TNR: variants seen among roughly 807,000 people sequenced by gnomAD.
TNR encodes tenascin-R.
In TNR, 45 loss-of-function variants were observed where a neutral mutation model predicts 150.4. That is an observed-to-expected ratio of 0.30 (90% confidence interval 0.24 to 0.38). The LOEUF is 0.38. TNR is among the 10% of genes least tolerant of loss of function. The probability of loss-of-function intolerance (pLI) is 1.00; values close to 1 mark genes in which losing one functional copy is unlikely to be tolerated. For missense variants in TNR, 1,544 were observed against 1,759.1 expected (o/e 0.88, Z 2.19); for synonymous variants, 687 against 678.4 (o/e 1.01, Z -0.20).
chr1:175,491,860 A>T (rs1243605691), intron 2 of TNR, among the ~76,000 whole-genome samples: 2 of 152,042 alleles, frequency 1.3e-5, no homozygotes, highest in African/African-American at 2.4e-5. Flanking sequence ...TGTGTTAGCC[A>T]GGATGGTCTC....
chr1:175,432,112 G>T (rs1655300734), intron 2 of TNR, among the ~76,000 whole-genome samples: 1 of 152,152 alleles, frequency 6.6e-6, no homozygotes, highest in African/African-American at 2.4e-5. Flanking sequence ...AGCAGGGCCT[G>T]CACATCACAG....
chr1:175,616,161 C>T (rs1005684683), intron 1 of TNR, among the ~76,000 whole-genome samples: 1 of 152,168 alleles, frequency 6.6e-6, no homozygotes, highest in South Asian at 2.1e-4. Context: ...CCCTAAAGGG[C>T]ATTTCTAGAT....
At chr1:175,723,325 T>C (rs1055011695) in intron 1 of TNR, among the ~76,000 whole-genome samples, 1 of 152,022 alleles carries the variant, frequency 6.6e-6, no homozygotes, top group Non-Finnish European at 1.5e-5. Context: ...TAAAAAGGGG[T>C]CCTCAGAAGG....
At chr1:175,696,004 G>GGATGGATGGATA (rs1666505568) in intron 1 of TNR, among the ~76,000 whole-genome samples, 1 of 152,012 alleles carries the variant, frequency 6.6e-6, no homozygotes, top group Non-Finnish European at 1.5e-5. Context: ...ATGGATGGAT[G>GGATGGATGGATA]GATGGATGGA....
chr1:175,665,526 A>T (rs1665511343), intron 1 of TNR, among the ~76,000 whole-genome samples: 1 of 152,216 alleles, frequency 6.6e-6, no homozygotes, highest in African/African-American at 2.4e-5. Flanking sequence ...GGACCCAGAG[A>T]ATGTTCCTTT....
chr1:175,693,766 T>C (rs1183474288), intron 1 of TNR, among the ~76,000 whole-genome samples: 2 of 152,228 alleles, frequency 1.3e-5, no homozygotes, highest in East Asian at 3.9e-4. Flanking sequence ...TCCAGCAATG[T>C]GTATACATGC....
chr1:175,496,025 T>G (rs1158540918), intron 2 of TNR, among the ~76,000 whole-genome samples: 1 of 152,190 alleles, frequency 6.6e-6, no homozygotes, highest in East Asian at 1.9e-4. Context: ...TGGCTGATGT[T>G]TAACATCCCA....
intron 1 of TNR, among the ~76,000 whole-genome samples, chr1:175,544,745 A>C (rs971786564): frequency 6.6e-6 from 1 of 152,222 alleles, no homozygotes; most frequent in Non-Finnish European, 1.5e-5. Flanking sequence ...TCAAGGAGCT[A>C]TTGGAAAGGT....
chr1:175,323,479 G>A lies in TNR; in HGVS notation c.3958-3C>T, dbSNP rs1649176473. 8.7e-6 allele frequency: 14 copies of A among 1,613,420 alleles called. No individual in the cohort carries two copies. Among genetic ancestry groups the A allele is most frequent in the Non-Finnish European group, 1.2e-5 (14 of 1,179,720 alleles). On this transcript the variant is annotated splice_polypyrimidine_tract_variant and splice_region_variant and intron_variant, in intron 22 of 22. Transcript: ENST00000367674. ...TTCCAATGGTACCAGTTGATGCCCT[G>A]GGCGTGAGAAAGATAAGCATGTCAG...
At chr1:175,668,215 G>C (rs1665588681) in intron 1 of TNR, among the ~76,000 whole-genome samples, 1 of 152,206 alleles carries the variant, frequency 6.6e-6, no homozygotes, top group African/African-American at 2.4e-5. Context: ...TTGCTTGAGG[G>C]AAATTAACAG....
chr1:175,731,453 A>G (rs1463567107), intron 1 of TNR, among the ~76,000 whole-genome samples: 1 of 152,256 alleles, frequency 6.6e-6, no homozygotes, highest in Admixed American at 6.5e-5. Context: ...TAAAGCACAA[A>G]CAAAATGCAG....
chr1:175,621,434 C>T (rs1663973264), intron 1 of TNR, among the ~76,000 whole-genome samples: 1 of 152,162 alleles, frequency 6.6e-6, no homozygotes, highest in Non-Finnish European at 1.5e-5. Context: ...TACTCACTGC[C>T]CCAAACTCAC....
At chr1:175,666,991 G>A (rs1003399849) in intron 1 of TNR, among the ~76,000 whole-genome samples, 1 of 152,080 alleles carries the variant, frequency 6.6e-6, no homozygotes, top group Non-Finnish European at 1.5e-5. Context: ...GGCCTCAAGC[G>A]ATCTTCCTGC....
At chr1:175,678,931 C>T (rs377713793) in intron 1 of TNR, among the ~76,000 whole-genome samples, 2 of 152,190 alleles carry the variant, frequency 1.3e-5, no homozygotes, top group South Asian at 4.1e-4. Context: ...ACTGGCTATG[C>T]TCCCTGCCAT....
intron 2 of TNR, among the ~76,000 whole-genome samples, chr1:175,415,186 T>G (rs1213169669): frequency 6.6e-6 from 1 of 151,684 alleles, no homozygotes; most frequent in African/African-American, 2.4e-5. Flanking sequence ...AAAAATAGTT[T>G]CCTCCCTGCC....
chr1:175,342,477 G>A (rs1286499931), intron 18 of TNR, among the ~76,000 whole-genome samples: 2 of 152,238 alleles, frequency 1.3e-5, no homozygotes, highest in East Asian at 3.8e-4. Context: ...GGGGAGGTAA[G>A]CAGGGATGGG....
chr1:175,371,753 A>C (rs1652115736), intron 9 of TNR, among the ~76,000 whole-genome samples: 1 of 152,186 alleles, frequency 6.6e-6, no homozygotes, highest in African/African-American at 2.4e-5. Context: ...TCCTTGGCCA[A>C]GGTCACAAAA....
At chr1:175,540,094 G>C (rs918691584) in intron 1 of TNR, among the ~76,000 whole-genome samples, 1 of 152,168 alleles carries the variant, frequency 6.6e-6, no homozygotes, top group East Asian at 1.9e-4. Flanking sequence ...AGTGGGGAGG[G>C]AACTGGCACT....
At chr1:175,595,733 C>T (rs71645257) in intron 1 of TNR, among the ~76,000 whole-genome samples, 1,701 of 152,212 alleles carry the variant, frequency 0.011, 13 homozygotes, top group Non-Finnish European at 0.018. Context: ...GTATTAGATT[C>T]GATTCCTAGC....
Sources: gnomAD v4.1 joint callset for allele counts (sites outside exome capture counted in the v4.1 genomes callset) on GRCh38, gnomAD v4.1.1 for gene constraint, MANE v1.5 for transcripts, NCBI Gene and HGNC (gene_info 2026-07-23, HGNC 2026-07-21) for gene names.